Variants in SULF2 observed in about 807,000 individuals in gnomAD.
The protein encoded by SULF2 is extracellular sulfatase Sulf-2.
Under a neutral mutation model 107.7 loss-of-function variants are expected in SULF2, and 52 were observed. The ratio of observed to expected loss-of-function variants is 0.48; its 90% CI spans 0.39 to 0.61. SULF2 has a LOEUF of 0.61. SULF2 is among the 20% of genes least tolerant of loss of function. SULF2 has a pLI of 0.00. For missense variants in SULF2, 993 were observed against 1,177.3 expected, an observed-to-expected ratio of 0.84 and a Z score of 2.29; for synonymous variants, 460 against 464.3, an observed-to-expected ratio of 0.99 and a Z score of 0.12.
At chr20:47,683,792 A>G (rs763997217) in intron 6 of SULF2, among the ~76,000 whole-genome samples, 2 of 152,256 alleles carry the variant, frequency 1.3e-5, no homozygotes, top group Non-Finnish European at 2.9e-5. Flanking sequence ...ATACAATGCG[A>G]TATTATTCAG....
rs1272020881 is a variant in SULF2 at position 47,694,737 on chromosome 20, C to T, written c.568-4442G>A. Among the ~76,000 whole-genome samples the T allele has an allele frequency of 6.6e-6, 1 of 152,186 alleles. No individual in the cohort carries two copies. The highest frequency in any genetic ancestry group is 1.5e-5 in the Non-Finnish European group (1 of 68,046). ...GCCCTAGGCAAAAGCGTGTTTCCCT[C>T]GAGTGGGCACTCCGCACCGGGCTTC... is the stretch of plus-strand genomic sequence containing the variant. On this transcript the variant is annotated intron_variant, in intron 4 of 20. Transcript: ENST00000688720. This position sits in a 1 kb window ranked among gnomAD's most constrained non-coding sequence, Gnocchi z 4.4.
intron 2 of SULF2, among the ~76,000 whole-genome samples, chr20:47,753,111 A>G (rs1568903969): frequency 6.7e-6 from 1 of 150,056 alleles, no homozygotes; most frequent in Non-Finnish European, 1.5e-5. Context: ...AAAAAAAAAA[A>G]AAAAAAAAGA....
intron 3 of SULF2, among the ~76,000 whole-genome samples, chr20:47,708,858 G>GTCC (rs10667430): frequency 0.24 from 36,647 of 151,918 alleles, 4,589 homozygotes; most frequent in Middle Eastern, 0.3. Context: ...TCAGCTTAAT[G>GTCC]CAAGCTGTTT....
chr20:47,719,791 G>C (rs142751191), intron 3 of SULF2, among the ~76,000 whole-genome samples: 146 of 152,254 alleles, frequency 9.6e-4, no homozygotes, highest in African/African-American at 3.4e-3. Flanking sequence ...CCACCGTAGA[G>C]CCAAAGCAGC....
At chr20:47,665,493 GC>G (rs2087232122) in intron 13 of SULF2, among the ~76,000 whole-genome samples, 200 bp from the exon 14 acceptor site, 2 of 152,194 alleles carry the variant, frequency 1.3e-5, no homozygotes, top group Non-Finnish European at 2.9e-5. Context: ...TTCTCCTCCA[GC>G]CAGCCCTTGC....
intron 7 of SULF2, 69 bp downstream of exon 7, chr20:47,682,925 G>A: frequency 6.8e-7 from 1 of 1,479,974 alleles, no homozygotes; most frequent in Non-Finnish European, 9.1e-7. Context: ...CTTGGGTTTG[G>A]GCTGCATGGT....
intron 7 of SULF2, among the ~76,000 whole-genome samples, chr20:47,681,249 A>G (rs1353824107): frequency 6.6e-6 from 1 of 152,180 alleles, no homozygotes; most frequent in African/African-American, 2.4e-5. Flanking sequence ...TTCAGTAACT[A>G]TAGTTACTGT....
At chr20:47,727,065 G>C (rs1196093516) in intron 3 of SULF2, among the ~76,000 whole-genome samples, 1 of 150,636 alleles carries the variant, frequency 6.6e-6, no homozygotes, top group Middle Eastern at 3.4e-3. Context: ...TTATGGGGGG[G>C]GGCGGGGTTT....
chr20:47,732,935 T>C lies in SULF2; in HGVS notation c.415+3768A>G, dbSNP rs557087883. Among the ~76,000 whole-genome samples, 22 of 152,340 alleles carry C rather than the reference T, an allele frequency of 1.4e-4. 1 individual carries two copies. In the South Asian group the frequency reaches 2.1e-3, roughly 14 times the overall value. ...ATATCTGAGATCCAAGTCCCTCAAG[T>C]TGTAAGAAGCCATACAGAGAAATAT... On this transcript the variant is annotated intron_variant, in intron 3 of 20. Coordinates refer to ENST00000688720, the MANE Select transcript of SULF2 (RefSeq NM_001387048.1).
intron 1 of SULF2, among the ~76,000 whole-genome samples, chr20:47,779,085 T>C (rs193129550): frequency 1.5e-4 from 23 of 152,310 alleles, no homozygotes; most frequent in African/African-American, 5.3e-4. Context: ...CCTTCTCTCC[T>C]ATCTTCCCTA....
At chr20:47,721,073 A>G (rs2089283260) in intron 3 of SULF2, among the ~76,000 whole-genome samples, 2 of 152,136 alleles carry the variant, frequency 1.3e-5, no homozygotes, top group South Asian at 2.1e-4. Flanking sequence ...TATTTCTGAT[A>G]TTCTGTAACT....
intron 1 of SULF2, among the ~76,000 whole-genome samples, chr20:47,774,902 A>C (rs1274652956): frequency 6.6e-6 from 1 of 152,178 alleles, no homozygotes; most frequent in African/African-American, 2.4e-5. Flanking sequence ...GCAGGGGTGC[A>C]TTTGTCGCAT....
chr20:47,763,755 G>A (rs182511685), intron 1 of SULF2, among the ~76,000 whole-genome samples: 2 of 152,234 alleles, frequency 1.3e-5, no homozygotes, highest in African/African-American at 4.8e-5. Context: ...TCAGTGATAG[G>A]AGAATCCTGC....
intron 7 of SULF2, among the ~76,000 whole-genome samples, chr20:47,682,125 C>G (rs2087842884): frequency 3.3e-5 from 5 of 152,032 alleles, no homozygotes; most frequent in Admixed American, 2.0e-4. Flanking sequence ...GGTCAACAGT[C>G]AGTCATCACT....
At chr20:47,762,954 C>T (rs1160418843) in intron 1 of SULF2, among the ~76,000 whole-genome samples, 1 of 152,238 alleles carries the variant, frequency 6.6e-6, no homozygotes, top group African/African-American at 2.4e-5. Flanking sequence ...ATTCCCCTGG[C>T]TCAGACTTCT....
chr20:47,760,269 C>T (rs570514097), intron 1 of SULF2, among the ~76,000 whole-genome samples: 13 of 152,278 alleles, frequency 8.5e-5, no homozygotes, highest in East Asian at 1.9e-4. Context: ...ATGGCACGGT[C>T]GGCACGTCCC....
At chr20:47,746,240 G>C (rs1373837545) in intron 2 of SULF2, among the ~76,000 whole-genome samples, 2 of 152,238 alleles carry the variant, frequency 1.3e-5, no homozygotes, top group Non-Finnish European at 2.9e-5. Flanking sequence ...GCTCTACTGG[G>C]GCCCAGAGAC....
intron 10 of SULF2, among the ~76,000 whole-genome samples, chr20:47,674,328 C>T (rs1264364017): frequency 2.0e-5 from 3 of 152,182 alleles, no homozygotes; most frequent in African/African-American, 7.2e-5. Context: ...CTGCTGAGAA[C>T]GAAGGTCCCG....
chr20:47,690,127 T>C lies in SULF2; in HGVS notation c.736A>G (p.Ile246Val), dbSNP rs761461845. The C allele has an allele frequency of 6.8e-7, 1 of 1,473,456 alleles. No homozygotes were observed. The highest frequency in any genetic ancestry group is 9.1e-7 in the Non-Finnish European group (1 of 1,102,578). The allele number at this position is 1,473,456 out of a possible 1,614,324, so 91.3% of individuals were successfully genotyped here. A position where few individuals can be genotyped will look rare whatever the true frequency, so the allele number is the denominator to read the frequency against. Residue 246 changes from isoleucine (I) to valine (V), a missense_variant and splice_region_variant, in exon 5 of 21, where the codon ATC becomes GTC. By Grantham distance (29) the Ile-to-Val change is conservative. Coordinates refer to ENST00000688720, the MANE Select transcript of SULF2 (RefSeq NM_001387048.1). ...GGCAGGCAGAGTGCTGAGGCTTACATGTGCTGAGATGCGTTTGGGAAGAGG... is the reference window on the plus strand; with the variant it reads ...GGCAGGCAGAGTGCTGAGGCTTACACGTGCTGAGATGCGTTTGGGAAGAGG... ...SRLFPNASQH[I>V]TPSYNYAPNP... is the part of the protein sequence containing the mutation.
Sources: gnomAD v4.1 joint callset for allele counts (sites outside exome capture counted in the v4.1 genomes callset) on GRCh38, gnomAD v4.1.1 for gene constraint, Gnocchi (gnomAD v3.1) non-coding constraint, MANE v1.5 for transcripts, NCBI Gene and HGNC (gene_info 2026-07-23, HGNC 2026-07-21) for gene names.